The following ZYG11A variants were observed in gnomAD, a reference collection of about 807,000 sequenced individuals.
The protein encoded by ZYG11A is protein zyg-11 homolog A.
ZYG11A carries 62 observed loss-of-function variants against 77.2 expected under a neutral mutation model. The observed-to-expected ratio is 0.80, with a 90% CI of 0.65 to 0.99. The LOEUF (loss-of-function observed/expected upper bound fraction) is 0.99. Ranked by LOEUF, ZYG11A falls within the 50% of genes least tolerant of loss-of-function variation. The pLI, the probability that ZYG11A is intolerant of heterozygous loss-of-function variation, is 0.00. For missense variants in ZYG11A, 828 were observed against 896.8 expected (o/e 0.92, Z 0.98); for synonymous variants, 315 against 324.6 (o/e 0.97, Z 0.32).
chr1:52,873,454 C>CA (rs765142902), intron 8 of ZYG11A, among the ~76,000 whole-genome samples: 4 of 152,040 alleles, frequency 2.6e-5, no homozygotes, highest in South Asian at 4.1e-4. Context: ...CTGTAGATGC[C>CA]AAGAGAACTA....
chr1:52,867,113 G>C (rs1327780970), intron 6 of ZYG11A, among the ~76,000 whole-genome samples: 1 of 152,142 alleles, frequency 6.6e-6, no homozygotes, highest in African/African-American at 2.4e-5. Context: ...TGAGGCACAA[G>C]CTAACAAGAG....
chr1:52,858,467 A>C (rs1252949587), intron 3 of ZYG11A, among the ~76,000 whole-genome samples: 1 of 146,110 alleles, frequency 6.8e-6, no homozygotes, highest in East Asian at 2.1e-4. Flanking sequence ...CACCATGCCC[A>C]GCTAGTTTTT....
chr1:52,862,314 G>GT (rs1277355334), intron 4 of ZYG11A, among the ~76,000 whole-genome samples: 2,297 of 138,170 alleles, frequency 0.017, 35 homozygotes, highest in African/African-American at 0.026. Flanking sequence ...TTTTTTTTTG[G>GT]TTTTTTTTTT....
Position 52,857,354 on chromosome 1 carries a change from C to A in ZYG11A, c.613C>A (p.Pro205Thr). ...TEDLANVSQL[P>T]RLESLDISNT... is the part of the protein sequence containing the mutation. ...AGACCTGGCTAATGTTTCTCAGTTA[C>A]CAAGACTGGAAAGCTTAGATATCTC... Residue 205 changes from proline to threonine, a missense_variant, in exon 3 of 14, where the codon CCA becomes ACA. Physicochemically the swap from Pro to Thr is conservative, Grantham distance 38. Transcript: ENST00000371528. 6.4e-7 allele frequency: 1 copy of A among 1,551,760 alleles called. No homozygotes were observed. The highest frequency in any genetic ancestry group is 1.4e-5 in the African/African-American group (1 of 73,142).
intron 10 of ZYG11A, chr1:52,881,227 A>G (rs1406602129): frequency 6.8e-6 from 2 of 295,176 alleles, no homozygotes; most frequent in Non-Finnish European, 1.3e-5. Flanking sequence ...AGATAAAAAG[A>G]CAATTTTATT....
At chr1:52,876,525 G>C (rs1646264382) in intron 8 of ZYG11A, among the ~76,000 whole-genome samples, 1 of 152,148 alleles carries the variant, frequency 6.6e-6, no homozygotes, top group African/African-American at 2.4e-5. Flanking sequence ...AATGGTATCT[G>C]TCATAGTAGT....
chr1:52,864,202 AAT>A (rs1431873583), intron 5 of ZYG11A, 45 bp downstream of exon 5: 2 of 1,529,816 alleles, frequency 1.3e-6, no homozygotes, highest in South Asian at 2.4e-5. Context: ...TGTTGTTGTT[AAT>A]AGTCTCAGCT....
In ZYG11A at chr1:52,892,770, A is replaced by G; in HGVS notation, c.2105-12A>G. ...GTTGTCCATGGAGTGTCTCTGCTTG[A>G]TTTTCTTTCAGCCAGCAAATACTGC... On this transcript the variant is annotated splice_polypyrimidine_tract_variant and intron_variant, in intron 13 of 13. Transcript: ENST00000371528. 2 of 1,550,952 alleles carry G rather than the reference A, an allele frequency of 1.3e-6. No individual in the cohort carries two copies. The highest frequency in any genetic ancestry group is 1.7e-6 in the Non-Finnish European group (2 of 1,146,620).
intron 8 of ZYG11A, among the ~76,000 whole-genome samples, chr1:52,869,763 A>G (rs1416581232): frequency 6.6e-6 from 1 of 151,278 alleles, no homozygotes; most frequent in East Asian, 1.9e-4. Flanking sequence ...TGTTGGGTAC[A>G]CCTCCCAGAC....
chr1:52,856,480 A>G (rs1161382463), intron 2 of ZYG11A, among the ~76,000 whole-genome samples: 3 of 142,130 alleles, frequency 2.1e-5, no homozygotes, highest in African/African-American at 7.8e-5. Context: ...AAAAAAAAAT[A>G]TGTGTAGTAA....
rs1645548720 is a variant in ZYG11A at position 52,845,488 on chromosome 1, TAG to T, written c.90+2519_90+2520del. ...TTCCTGGCTAATTTTTGTATTTTTG[TAG>T]AGACAGGTATTTTTGTAGAGGCGGG... On this transcript the variant is annotated intron_variant, in intron 1 of 13. Coordinates refer to ENST00000371528, the MANE Select transcript of ZYG11A (RefSeq NM_001004339.3). 2.6e-5 allele frequency among the ~76,000 whole-genome samples: 4 copies of T among 151,926 alleles called. No homozygotes were observed. In the South Asian group the frequency reaches 8.3e-4, roughly 32 times the overall value.
chr1:52,846,991 G>A (rs1645599147), intron 1 of ZYG11A, among the ~76,000 whole-genome samples: 1 of 151,758 alleles, frequency 6.6e-6, no homozygotes, highest in African/African-American at 2.4e-5. Flanking sequence ...GGGACTACGG[G>A]TACACGCCGC....
At position 52,854,625 on chromosome 1, in the gene ZYG11A, G is replaced by C. The variant is rs1219421871; in HGVS notation, c.251G>C (p.Trp84Ser). ...VAERFLRVMTWQGKLTDRTAS... is the reference protein window; with the variant it reads ...VAERFLRVMTSQGKLTDRTAS... ...GAGCGATTTCTCAGGGTGATGACTT[G>C]GCAAGGTAGTGATAAGGCTTCTCTA... The change falls in exon 2 of 14, where the codon TGG becomes TCG. Residue 84 changes from tryptophan to serine, a missense_variant. Trp to Ser is a radical substitution (Grantham distance 177). Transcript: ENST00000371528. 1 of 1,533,546 alleles carries C rather than the reference G, an allele frequency of 6.5e-7. No homozygotes were observed. Among genetic ancestry groups the C allele is most frequent in the Admixed American group, 2.0e-5 (1 of 50,454 alleles). 95.0% of individuals were successfully genotyped at this position (1,533,546 alleles called of 1,614,324 possible).
chr1:52,852,409 G>C (rs1442884427), intron 1 of ZYG11A, among the ~76,000 whole-genome samples: 3 of 146,184 alleles, frequency 2.1e-5, no homozygotes, highest in Non-Finnish European at 4.5e-5. Context: ...TGTCACCCAT[G>C]CTGGAGTGCA....
intron 10 of ZYG11A, among the ~76,000 whole-genome samples, chr1:52,880,066 CTTTT>C (rs10682296): frequency 9.1e-6 from 1 of 110,132 alleles, no homozygotes; most frequent in Non-Finnish European, 1.8e-5. Context: ...ACCCAGCCCA[CTTTT>C]TTTTTTTTTT....
In ZYG11A at chr1:52,846,336, A is replaced by C. The variant is rs867463947; in HGVS notation, c.90+3363A>C. On this transcript the variant is annotated intron_variant, in intron 1 of 13. Coordinates refer to ENST00000371528, the MANE Select transcript of ZYG11A (RefSeq NM_001004339.3). ...TATATATATATATATATATATATAT[A>C]TATATATATATATATATATATATAT... 2.7e-4 allele frequency among the ~76,000 whole-genome samples: 22 copies of C among 80,434 alleles called. 3 individuals are homozygous for C. Among genetic ancestry groups the C allele is most frequent in the South Asian group, 1.8e-3 (4 of 2,282 alleles). The allele number at this position is 80,434 out of a possible 152,430, so 52.8% of individuals were successfully genotyped here. A position where few individuals can be genotyped will look rare whatever the true frequency, so the allele number is the denominator to read the frequency against.
At chr1:52,849,831 G>A (rs1414932337) in intron 1 of ZYG11A, among the ~76,000 whole-genome samples, 2 of 149,982 alleles carry the variant, frequency 1.3e-5, no homozygotes, top group African/African-American at 2.4e-5. Flanking sequence ...TACAGGCACC[G>A]GCCACCACGC....
In ZYG11A at chr1:52,860,698, G is replaced by C. The variant is rs1322842717; in HGVS notation, c.1009-33G>C. 11 of 1,548,446 alleles carry C rather than the reference G, an allele frequency of 7.1e-6. No individual in the cohort carries two copies. The Admixed American group carries it at 2.2e-4, about 31-fold the overall frequency. On this transcript the variant is annotated intron_variant, in intron 3 of 13. Coordinates refer to ENST00000371528, the MANE Select transcript of ZYG11A (RefSeq NM_001004339.3). ...AATGAATGGTGAAAAAATATGAATGGTGAAACCTGTTTGGTAACATCTTTA... is the reference window on the plus strand; with the variant it reads ...AATGAATGGTGAAAAAATATGAATGCTGAAACCTGTTTGGTAACATCTTTA...
chr1:52,878,401 A>ATCTCT (rs1211902843), intron 10 of ZYG11A, among the ~76,000 whole-genome samples: 1 of 152,120 alleles, frequency 6.6e-6, no homozygotes, highest in African/African-American at 2.4e-5. Flanking sequence ...CCACATGGCA[A>ATCTCT]TCTCTAGAGG....
Sources: gnomAD v4.1 joint callset for allele counts (sites outside exome capture counted in the v4.1 genomes callset) on GRCh38, gnomAD v4.1.1 for gene constraint, MANE v1.5 for transcripts, NCBI Gene and HGNC (gene_info 2026-07-23, HGNC 2026-07-21) for gene names.